The following CRACR2A variants were observed in gnomAD, a reference collection of about 807,000 sequenced individuals.
CRACR2A encodes the protein calcium release activated channel regulator 2A, also known as EF-hand calcium-binding domain-containing protein 4B.
In CRACR2A, 79 loss-of-function variants were observed where a neutral mutation model predicts 90.5. That is an observed-to-expected ratio of 0.87 (90% CI 0.73 to 1.05). The LOEUF (loss-of-function observed/expected upper bound fraction) is 1.05. Ranked by LOEUF, CRACR2A falls within the 50% of genes least tolerant of loss-of-function variation. CRACR2A has a pLI of 0.00. For missense variants in CRACR2A, 823 were observed against 897.2 expected (o/e 0.92, Z 1.06); for synonymous variants, 338 against 356.7 (o/e 0.95, Z 0.59).
chr12:3,683,756 C>A (rs1053585055), intron 4 of CRACR2A, among the ~76,000 whole-genome samples: 1 of 152,212 alleles, frequency 6.6e-6, no homozygotes, highest in Non-Finnish European at 1.5e-5. Context: ...CAGGATCTAG[C>A]CCAATGCTGA....
intron 4 of CRACR2A, among the ~76,000 whole-genome samples, chr12:3,683,881 C>T (rs976959723): frequency 4.6e-5 from 7 of 152,332 alleles, no homozygotes; most frequent in African/African-American, 1.4e-4. Flanking sequence ...AGACCTCACA[C>T]ACTCCAGAAC....
At chr12:3,658,711 G>A (rs1434794986) in intron 8 of CRACR2A, among the ~76,000 whole-genome samples, 1 of 152,136 alleles carries the variant, frequency 6.6e-6, no homozygotes, top group East Asian at 1.9e-4. Context: ...AGAATAGCCG[G>A]GCTTAGTGCT....
chr12:3,716,059 C>T (rs1283534879), intron 2 of CRACR2A, among the ~76,000 whole-genome samples: 1 of 143,238 alleles, frequency 7.0e-6, no homozygotes, highest in African/African-American at 2.6e-5. Flanking sequence ...CTCTCCCAGG[C>T]TTTTTTTTTT....
rs193299608 is a variant in CRACR2A at position 3,747,500 on chromosome 12, G to A, written c.-387+5515C>T. 5.3e-5 allele frequency among the ~76,000 whole-genome samples: 8 copies of A among 152,248 alleles called. No homozygotes were observed. The East Asian group carries it at 5.8e-4, about 11-fold the overall frequency. ...GTGAAGGTATGTGGTTATGTGCAGC[G>A]GACAATGTGGCAAAGCTGCATCCAT... On this transcript the variant is annotated intron_variant, in intron 1 of 19. Coordinates refer to ENST00000440314, the MANE Select transcript of CRACR2A (RefSeq NM_001144958.2).
intron 13 of CRACR2A, chr12:3,640,764 A>C (rs368029289): frequency 2.3e-6 from 3 of 1,305,260 alleles, no homozygotes; most frequent in South Asian, 2.5e-5. Flanking sequence ...GGATGCCTCT[A>C]TCTCTCTGTG....
chr12:3,727,803 G>A (rs903808039), intron 2 of CRACR2A: 4 of 152,046 alleles, frequency 2.6e-5, no homozygotes, highest in African/African-American at 7.2e-5. Context: ...TTGGGTGATG[G>A]GTTAATTAGA....
chr12:3,619,667 G>GC (rs1867778180), intron 17 of CRACR2A, among the ~76,000 whole-genome samples: 1 of 152,154 alleles, frequency 6.6e-6, no homozygotes, highest in Non-Finnish European at 1.5e-5. Flanking sequence ...GGAACAGCAG[G>GC]CCCCCCAAGG....
At chr12:3,745,353 C>G (rs1045276731) in intron 1 of CRACR2A, among the ~76,000 whole-genome samples, 26 of 151,216 alleles carry the variant, frequency 1.7e-4, no homozygotes, top group Non-Finnish European at 3.2e-4. Context: ...AATGAACTTC[C>G]AAGAACTCCT....
chr12:3,638,748 C>T (rs942212711), intron 13 of CRACR2A, among the ~76,000 whole-genome samples: 11 of 152,178 alleles, frequency 7.2e-5, no homozygotes, highest in African/African-American at 2.4e-4. Flanking sequence ...CCTGTCCTCA[C>T]AGAATACTTG....
At chr12:3,687,912 T>C (rs1214787332) in intron 4 of CRACR2A, among the ~76,000 whole-genome samples, 7 of 152,250 alleles carry the variant, frequency 4.6e-5, no homozygotes, top group Non-Finnish European at 7.3e-5. Context: ...TATCTCATTG[T>C]GGTTTTGATT....
chr12:3,695,293 CA>C (rs1409085366), intron 4 of CRACR2A, among the ~76,000 whole-genome samples: 1 of 152,184 alleles, frequency 6.6e-6, no homozygotes, highest in Non-Finnish European at 1.5e-5. Flanking sequence ...AGGGGTTTGT[CA>C]AAGGTTTCCT....
chr12:3,725,129 C>G (rs981310282), intron 2 of CRACR2A, among the ~76,000 whole-genome samples: 3 of 152,154 alleles, frequency 2.0e-5, no homozygotes, highest in Admixed American at 2.0e-4. Context: ...CACTTTGCTT[C>G]CATATGAGAA....
intron 14 of CRACR2A, among the ~76,000 whole-genome samples, chr12:3,636,308 A>G (rs1319765774): frequency 1.3e-5 from 2 of 152,232 alleles, no homozygotes; most frequent in African/African-American, 2.4e-5. Context: ...AAACGAGCGT[A>G]CCTTCTCTTG....
intron 1 of CRACR2A, among the ~76,000 whole-genome samples, chr12:3,742,343 C>T (rs1946540518): frequency 6.6e-6 from 1 of 152,162 alleles, no homozygotes; most frequent in African/African-American, 2.4e-5. Context: ...TCTCTGGCAC[C>T]TTCTACAGGG....
chr12:3,698,463 C>T (rs1945779511), intron 3 of CRACR2A, among the ~76,000 whole-genome samples: 1 of 152,224 alleles, frequency 6.6e-6, no homozygotes, highest in Admixed American at 6.5e-5. Flanking sequence ...TGATGATCTT[C>T]CACTTAACCA....
chr12:3,721,370 C>CAAAAA (rs140016599), intron 2 of CRACR2A, among the ~76,000 whole-genome samples: 241 of 121,822 alleles, frequency 2.0e-3, no homozygotes, highest in African/African-American at 6.6e-3. Flanking sequence ...CCCGTCTCTA[C>CAAAAA]AAAAAAAAAA....
chr12:3,628,590 C>T (rs1285788262), intron 15 of CRACR2A, among the ~76,000 whole-genome samples: 1 of 152,208 alleles, frequency 6.6e-6, no homozygotes, highest in African/African-American at 2.4e-5. Flanking sequence ...CCCACAGCAG[C>T]CCTCATAGGT....
intron 2 of CRACR2A, among the ~76,000 whole-genome samples, chr12:3,715,174 T>C (rs1009944431): frequency 5.3e-5 from 8 of 152,242 alleles, no homozygotes; most frequent in African/African-American, 1.9e-4. Flanking sequence ...CAAATAGGTC[T>C]CCCAGTGGGT....
chr12:3,678,637 T>G (rs1234060324), intron 6 of CRACR2A, among the ~76,000 whole-genome samples: 2 of 150,920 alleles, frequency 1.3e-5, no homozygotes, highest in Admixed American at 6.6e-5. Flanking sequence ...GGATAATGCA[T>G]GGCCAGGAGT....
Sources: allele counts gnomAD v4.1 joint callset (sites outside exome capture counted in the v4.1 genomes callset), GRCh38; gene constraint gnomAD v4.1.1; transcripts MANE v1.5; gene names NCBI Gene and HGNC (gene_info 2026-07-23, HGNC 2026-07-21).